The following COBL variants were observed in gnomAD, a reference collection of about 807,000 sequenced individuals.
COBL encodes the protein cordon-bleu WH2 repeat protein.
In COBL, 51 loss-of-function variants were observed where a neutral mutation model predicts 98.8. That is an observed-to-expected ratio of 0.52 (90% CI 0.41 to 0.65). COBL has a LOEUF of 0.65. Ranked by LOEUF, COBL falls within the 30% of genes least tolerant of loss-of-function variation. The pLI is 0.00. For missense variants in COBL, 1,617 were observed against 1,617.5 expected, an observed-to-expected ratio of 1.00 and a Z score of 0.01; for synonymous variants, 634 against 651.7, an observed-to-expected ratio of 0.97 and a Z score of 0.41.
chr7:51,121,310 T>C (rs1245609782), intron 6 of COBL, among the ~76,000 whole-genome samples: 1 of 152,228 alleles, frequency 6.6e-6, no homozygotes, highest in African/African-American at 2.4e-5. Context: ...TGCTGACTTG[T>C]ATATTTTCTT....
intron 7 of COBL, among the ~76,000 whole-genome samples, chr7:51,046,242 C>T (rs575814015): frequency 1.3e-5 from 2 of 152,228 alleles, no homozygotes; most frequent in East Asian, 1.9e-4. Flanking sequence ...GATGCCGGCA[C>T]CTGCTCGGAG....
chr7:51,064,896 C>T, intron 7 of COBL: 3 of 509,306 alleles, frequency 5.9e-6, no homozygotes, highest in Non-Finnish European at 6.9e-6. Context: ...TCTCCAGGGC[C>T]CTGCTGCCTG....
rs140393849 is a variant in COBL, at chr7:51,236,227, T to C, written c.42-16283A>G. On this transcript the variant is annotated intron_variant, in intron 1 of 12. Coordinates refer to ENST00000265136, the MANE Select transcript of COBL (RefSeq NM_015198.5). ...AGGAGTGCTGGGACAATCTAAGAAATGGAAAAATCCAGTTTCTGTTTGCAA... is the reference window on the plus strand; with the variant it reads ...AGGAGTGCTGGGACAATCTAAGAAACGGAAAAATCCAGTTTCTGTTTGCAA... Among the ~76,000 whole-genome samples the C allele has an allele frequency of 8.5e-5, 13 of 152,214 alleles. No individual in the cohort carries two copies. The East Asian group carries it at 2.3e-3, about 27-fold the overall frequency.
intron 1 of COBL, among the ~76,000 whole-genome samples, chr7:51,294,643 CA>C (rs3047621): frequency 0.016 from 1,313 of 80,564 alleles, 7 homozygotes; most frequent in African/African-American, 0.051. Flanking sequence ...AACTCCATCT[CA>C]AAAAAAAAAA....
At chr7:51,263,568 G>T (rs1273343335) in intron 1 of COBL, among the ~76,000 whole-genome samples, 1 of 151,992 alleles carries the variant, frequency 6.6e-6, no homozygotes, top group Non-Finnish European at 1.5e-5. Context: ...GTGGGTGGAG[G>T]TCCCCACTTT....
At chr7:51,154,579 G>A (rs1478843742) in intron 5 of COBL, among the ~76,000 whole-genome samples, 2 of 152,142 alleles carry the variant, frequency 1.3e-5, no homozygotes, top group African/African-American at 2.4e-5. Flanking sequence ...AATAACTCCC[G>A]GTGGGATGTG....
chr7:51,167,396 G>C (rs1364190565), intron 5 of COBL, among the ~76,000 whole-genome samples: 1 of 151,882 alleles, frequency 6.6e-6, no homozygotes, highest in Non-Finnish European at 1.5e-5. Context: ...AGAAGTGAAA[G>C]ATCTCTATAA....
chr7:51,176,835 G>A (rs140791171), intron 5 of COBL, among the ~76,000 whole-genome samples: 10 of 152,194 alleles, frequency 6.6e-5, no homozygotes, highest in African/African-American at 1.4e-4. Context: ...ATGTGTACAC[G>A]TCTGTGTTTG....
intron 6 of COBL, among the ~76,000 whole-genome samples, chr7:51,092,165 A>T (rs570576930): frequency 6.6e-6 from 1 of 152,272 alleles, no homozygotes; most frequent in East Asian, 1.9e-4. Context: ...TGCACTCCTT[A>T]TGGGAATCTA....
intron 1 of COBL, among the ~76,000 whole-genome samples, chr7:51,279,161 G>A (rs896409087): frequency 1.2e-4 from 18 of 152,218 alleles, no homozygotes; most frequent in African/African-American, 4.1e-4. Context: ...TGGGAAAGGC[G>A]TGGCACACAT....
intron 5 of COBL, among the ~76,000 whole-genome samples, chr7:51,143,205 T>C (rs1485246624): frequency 6.6e-6 from 1 of 152,136 alleles, no homozygotes; most frequent in African/African-American, 2.4e-5. Context: ...TCAATCTGCA[T>C]GCGTGTGTGT....
chr7:51,175,453 G>A (rs1404468247), intron 5 of COBL, among the ~76,000 whole-genome samples: 2 of 152,144 alleles, frequency 1.3e-5, no homozygotes, highest in East Asian at 1.9e-4. Flanking sequence ...TCAGTCCCTT[G>A]GAGATGTAAA....
intron 6 of COBL, among the ~76,000 whole-genome samples, chr7:51,129,497 TAAATA>T (rs1798538474): frequency 6.6e-6 from 1 of 152,078 alleles, no homozygotes. Flanking sequence ...ACATGTTTGG[TAAATA>T]AATCATGTAC....
chr7:51,144,319 G>T (rs1784825522), intron 5 of COBL, among the ~76,000 whole-genome samples: 1 of 152,136 alleles, frequency 6.6e-6, no homozygotes, highest in African/African-American at 2.4e-5. Context: ...AGGAAACTCA[G>T]GTACAGCGAG....
chr7:51,169,900 T>C (rs988605341), intron 5 of COBL, among the ~76,000 whole-genome samples: 5 of 152,204 alleles, frequency 3.3e-5, no homozygotes, highest in African/African-American at 1.2e-4. Context: ...CCATTCTACA[T>C]GATGTTATTA....
chr7:51,169,526 G>A (rs1267112413), intron 5 of COBL, among the ~76,000 whole-genome samples: 1 of 152,182 alleles, frequency 6.6e-6, no homozygotes, highest in Non-Finnish European at 1.5e-5. Context: ...CTATGAAAAA[G>A]AATGAGATCT....
At chr7:51,043,180 C>T (rs985928601) in intron 8 of COBL, among the ~76,000 whole-genome samples, 4 of 152,202 alleles carry the variant, frequency 2.6e-5, no homozygotes, top group African/African-American at 9.6e-5. Context: ...AAACAAGCCA[C>T]TCTTACACAG....
At position 51,026,581 on chromosome 7, in the gene COBL, T is replaced by G. The variant is rs748623896; in HGVS notation, c.3469A>C (p.Ile1157Leu). Residue 1157 changes from isoleucine to leucine, a missense_variant, in exon 11 of 13, where the codon ATC becomes CTC. Ile to Leu is a conservative substitution (Grantham distance 5). Around this residue, in one of 3 missense-constraint regions of COBL, gnomAD observed 1,304 missense variants for 1,282.0 expected, o/e 1.02. Coordinates refer to ENST00000265136, the MANE Select transcript of COBL (RefSeq NM_015198.5). ...EGERSALLAAIRGHSGTCSLR... is the reference protein window; with the variant it reads ...EGERSALLAALRGHSGTCSLR... Reference sequence around the variant, plus strand: ...CTGCAGGTGCCGCTGTGCCCGCGGATAGCTGCCAGCAGTGCAGATCGTTCG... The same window carrying G: ...CTGCAGGTGCCGCTGTGCCCGCGGAGAGCTGCCAGCAGTGCAGATCGTTCG... 6.2e-6 allele frequency: 10 copies of G among 1,614,190 alleles called. No individual in the cohort carries two copies. Among genetic ancestry groups the G allele is most frequent in the East Asian group, 2.2e-5 (1 of 44,878 alleles).
At chr7:51,128,071 G>A (rs1436111941) in intron 6 of COBL, among the ~76,000 whole-genome samples, 8 of 152,160 alleles carry the variant, frequency 5.3e-5, no homozygotes, top group Non-Finnish European at 1.2e-4. Flanking sequence ...TGGGTCCCTG[G>A]ATACATAGAA....
Sources: gnomAD v4.1 joint callset for allele counts (sites outside exome capture counted in the v4.1 genomes callset) on GRCh38, gnomAD v4.1.1 for gene constraint, gnomAD v4.1.1 regional missense constraint, MANE v1.5 for transcripts, NCBI Gene and HGNC (gene_info 2026-07-23, HGNC 2026-07-21) for gene names.